MYO1B: variants seen among roughly 807,000 people sequenced by gnomAD.
MYO1B encodes myosin IB.
Under a neutral mutation model 159.7 loss-of-function variants are expected in MYO1B, and 72 were observed. That is an observed-to-expected ratio of 0.45 (90% CI 0.37 to 0.55). MYO1B has a LOEUF of 0.55. Among genes scored for constraint, MYO1B ranks in the 20% least tolerant of loss-of-function variants. The pLI is 0.00. For synonymous variants in MYO1B, 468 were observed against 473.8 expected, an observed-to-expected ratio of 0.99 and a Z score of 0.16; for missense variants, 1,062 against 1,364.8, an observed-to-expected ratio of 0.78 and a Z score of 3.50.
chr2:191,347,735 T>C (rs1692658665), intron 6 of MYO1B, among the ~76,000 whole-genome samples: 1 of 152,346 alleles, frequency 6.6e-6, no homozygotes, highest in Non-Finnish European at 1.5e-5. Context: ...TTCTCTGCTT[T>C]GTGGTCTGTG....
At chr2:191,357,582 T>C (rs961010967) in intron 7 of MYO1B, among the ~76,000 whole-genome samples, 1 of 152,220 alleles carries the variant, frequency 6.6e-6, no homozygotes, top group African/African-American at 2.4e-5. Flanking sequence ...AAATATCCAG[T>C]GTCTAATAAT....
Position 191,414,096 on chromosome 2 carries a change from C to G in MYO1B, c.2922C>G (p.Pro974=). The change falls in exon 28 of 31, where the codon CCC becomes CCG. Residue 974 remains proline, a synonymous_variant. Transcript: ENST00000392318. ...QGAYLEINKN[P]KYKKLKDAIE... ...CTTACCTGGAAATCAACAAGAACCC[C>G]AAGTATAAGAAACTCAAAGATGCCA... The G allele has an allele frequency of 1.2e-6, 2 of 1,612,796 alleles. No homozygotes were observed. The highest frequency in any genetic ancestry group is 8.5e-7 in the Non-Finnish European group (1 of 1,179,422).
chr2:191,313,509 T>C (rs1297550351), intron 3 of MYO1B, among the ~76,000 whole-genome samples: 4 of 152,122 alleles, frequency 2.6e-5, no homozygotes, highest in African/African-American at 9.6e-5. Context: ...CTCAGCCTCC[T>C]GAGTAGCTGG....
In MYO1B at chr2:191,425,062, T is replaced by C. The variant is rs1698144476; in HGVS notation, c.*1102T>C. ...ATTTACAAGGGTTCATTTTGGAAAC[T>C]ACATTTTAAACTTTGGAATCAAATT... On this transcript the variant is annotated 3_prime_UTR_variant, in exon 31 of 31. Transcript: ENST00000392318. The C allele has an allele frequency of 6.6e-6, 1 of 152,418 alleles. No individual in the cohort carries two copies. The highest frequency in any genetic ancestry group is 1.5e-5 in the Non-Finnish European group (1 of 67,954). 9.4% of individuals were successfully genotyped at this position (152,418 alleles called of 1,614,324 possible).
At chr2:191,316,957 T>C (rs1237912237) in intron 3 of MYO1B, among the ~76,000 whole-genome samples, 1 of 152,232 alleles carries the variant, frequency 6.6e-6, no homozygotes, top group African/African-American at 2.4e-5. Flanking sequence ...GTGCCGCACC[T>C]CTGCAGGTTT....
At position 191,396,434 on chromosome 2, in the gene MYO1B, A is replaced by G. The variant is rs114890021; in HGVS notation, c.2232A>G (p.Gln744=). The change falls in exon 21 of 31, where the codon CAA becomes CAG. Residue 744 remains glutamine, a synonymous_variant. Coordinates refer to ENST00000392318, the MANE Select transcript of MYO1B (RefSeq NM_001130158.3). ...IAAWYRRYAQ[Q]KRYQQTKSSA... ...CTTCCCCTTTTATCCTACAGCAACA[A>G]AAGAGGTACCAGCAGACAAAGAGTT... The G allele has an allele frequency of 1.3e-3, 2,028 of 1,614,144 alleles. 21 individuals are homozygous for G. In the African/African-American group the frequency reaches 0.024, roughly 19 times the overall value.
At chr2:191,381,390 T>A in intron 13 of MYO1B, 72 bp from the exon 14 acceptor site, 1 of 1,036,104 alleles carries the variant, frequency 9.7e-7, no homozygotes, top group Non-Finnish European at 1.5e-6. Flanking sequence ...TGGATTGAGA[T>A]GTCTGAGTGT....
chr2:191,290,330 A>G (rs540798924), intron 2 of MYO1B, among the ~76,000 whole-genome samples: 5 of 152,264 alleles, frequency 3.3e-5, no homozygotes, highest in African/African-American at 9.6e-5. Flanking sequence ...GCAGACTTCA[A>G]TGTGCATGTG....
intron 1 of MYO1B, among the ~76,000 whole-genome samples, chr2:191,272,853 A>C (rs933343296): frequency 6.6e-6 from 1 of 152,192 alleles, no homozygotes; most frequent in Non-Finnish European, 1.5e-5. Flanking sequence ...GCAGGTCCTC[A>C]TGCCTGTGCC....
chr2:191,374,540 C>G (rs187277293), intron 13 of MYO1B, among the ~76,000 whole-genome samples: 41 of 152,266 alleles, frequency 2.7e-4, no homozygotes, highest in Admixed American at 2.6e-3. Flanking sequence ...TGTGGTCTGT[C>G]TCTGAACGGA....
intron 19 of MYO1B, 41 bp downstream of exon 19, chr2:191,392,242 A>G: frequency 6.8e-7 from 1 of 1,462,084 alleles, no homozygotes; most frequent in Non-Finnish European, 9.5e-7. Flanking sequence ...TTAAGTTGGA[A>G]TCGTATAGGA....
At chr2:191,349,824 C>G (rs1056126492) in intron 6 of MYO1B, among the ~76,000 whole-genome samples, 19 of 152,178 alleles carry the variant, frequency 1.2e-4, no homozygotes, top group Admixed American at 1.2e-3. Context: ...AGTCTGTATA[C>G]ACAGACAACT....
At chr2:191,348,744 T>C (rs1692728712) in intron 6 of MYO1B, among the ~76,000 whole-genome samples, 1 of 152,254 alleles carries the variant, frequency 6.6e-6, no homozygotes, top group African/African-American at 2.4e-5. Context: ...TCCTGTCAGC[T>C]ACATCTTCTC....
chr2:191,395,604 T>C (rs990964894), intron 20 of MYO1B, among the ~76,000 whole-genome samples: 1 of 152,254 alleles, frequency 6.6e-6, no homozygotes, highest in Non-Finnish European at 1.5e-5. Context: ...CTCACTTTTC[T>C]AGGGAGTATT....
chr2:191,369,263 T>G (rs568957223), intron 11 of MYO1B, among the ~76,000 whole-genome samples: 1 of 152,312 alleles, frequency 6.6e-6, no homozygotes, highest in South Asian at 2.1e-4. Flanking sequence ...TTGCGTCTGA[T>G]TTTTCTCTGT....
intron 3 of MYO1B, among the ~76,000 whole-genome samples, chr2:191,327,078 G>T (rs188762602): frequency 6.6e-6 from 1 of 152,214 alleles, no homozygotes; most frequent in East Asian, 1.9e-4. Context: ...GAGCAGAAGG[G>T]GAGGAAGGCT....
intron 24 of MYO1B, 102 bp downstream of exon 24, chr2:191,402,820 C>A: frequency 1.2e-6 from 1 of 867,850 alleles, no homozygotes; most frequent in Non-Finnish European, 1.8e-6. Context: ...ATGGTCTGCA[C>A]AGTCTTGTAG....
intron 3 of MYO1B, among the ~76,000 whole-genome samples, chr2:191,305,637 A>G (rs1689605291): frequency 6.6e-6 from 1 of 152,238 alleles, no homozygotes; most frequent in Admixed American, 6.5e-5. Flanking sequence ...AGACAGACTG[A>G]TAAATAAATA....
intron 3 of MYO1B, among the ~76,000 whole-genome samples, chr2:191,308,788 C>A (rs1172919581): frequency 2.0e-5 from 3 of 152,196 alleles, no homozygotes; most frequent in African/African-American, 7.2e-5. Context: ...GTTATCAAAT[C>A]CCATGGTCAG....
Sources: allele counts gnomAD v4.1 joint callset (sites outside exome capture counted in the v4.1 genomes callset), GRCh38; gene constraint gnomAD v4.1.1; transcripts MANE v1.5; gene names NCBI Gene and HGNC (gene_info 2026-07-23, HGNC 2026-07-21).